The following ADGRE3 variants were observed in gnomAD, a reference collection of about 807,000 sequenced individuals.
The protein encoded by ADGRE3 is EGF-like module receptor 3.
A neutral mutation model predicts 80.1 loss-of-function variants in ADGRE3; 88 were observed. That is an observed-to-expected ratio of 1.10 (90% CI 0.93 to 1.31). The LOEUF (loss-of-function observed/expected upper bound fraction) is 1.31, where lower values mean the gene tolerates loss of function less well. ADGRE3 is among the 40% of genes most tolerant of loss of function. The pLI is 0.00. For missense variants in ADGRE3, 715 were observed against 776.5 expected (o/e 0.92, Z 0.94); for synonymous variants, 281 against 294.8 (o/e 0.95, Z 0.48).
In ADGRE3 at chr19:14,641,613, C is replaced by T. The variant is rs747402538; in HGVS notation, c.1054G>A (p.Glu352Lys). The T allele has an allele frequency of 1.2e-6, 2 of 1,614,030 alleles. No homozygotes were observed. Among genetic ancestry groups the T allele is most frequent in the Non-Finnish European group, 1.7e-6 (2 of 1,179,976 alleles). Residue 352 changes from glutamate (E) to lysine (K), a missense_variant, in exon 10 of 16, where the codon GAG becomes AAG. By Grantham distance (56) the Glu-to-Lys change is moderately conservative (BLOSUM62 1). Coordinates refer to ENST00000253673, the MANE Select transcript of ADGRE3 (RefSeq NM_032571.5). ...AVLMALTSQE[E>K]DPVLTVITYV... ...GTGATGACAGTCAGCACGGGATCCTCCTCCTGGGACCGAGAAAAAAAGTTC... is the reference window on the plus strand; with the variant it reads ...GTGATGACAGTCAGCACGGGATCCTTCTCCTGGGACCGAGAAAAAAAGTTC...
chr19:14,673,043 C>T (rs1218641585), intron 1 of ADGRE3, among the ~76,000 whole-genome samples: 1 of 152,074 alleles, frequency 6.6e-6, no homozygotes, highest in Non-Finnish European at 1.5e-5. Flanking sequence ...AGGACTCTGT[C>T]TCCAGTTGCA....
intron 11 of ADGRE3, among the ~76,000 whole-genome samples, chr19:14,634,068 C>T (rs1192467466): frequency 3.9e-5 from 6 of 152,108 alleles, no homozygotes; most frequent in Non-Finnish European, 8.8e-5. Context: ...TGAGCCACCA[C>T]GCCCGGCCAA....
intron 11 of ADGRE3, among the ~76,000 whole-genome samples, chr19:14,635,739 C>G (rs1255993834): frequency 6.6e-6 from 1 of 151,970 alleles, no homozygotes; most frequent in Non-Finnish European, 1.5e-5. Flanking sequence ...ATGCTAAAAT[C>G]CTGCCCCAAA....
Position 14,651,084 on chromosome 19 carries a change from C to T in ADGRE3, c.697+1G>A. The T allele has an allele frequency of 6.2e-7, 1 of 1,614,006 alleles. No homozygotes were observed. Among genetic ancestry groups the T allele is most frequent in the African/African-American group, 1.3e-5 (1 of 75,012 alleles). Reference sequence around the variant, plus strand: ...ATTCTGAATGCAGCCATCAGGCATACCTTGTGTGTCTCCCTGGATGATGTC... The same window carrying T: ...ATTCTGAATGCAGCCATCAGGCATATCTTGTGTGTCTCCCTGGATGATGTC... On this transcript the variant is annotated splice_donor_variant, in intron 7 of 15. Transcript: ENST00000253673. LOFTEE classifies it high-confidence loss of function.
chr19:14,632,445 C>G (rs1970912175), intron 13 of ADGRE3, among the ~76,000 whole-genome samples: 1 of 152,196 alleles, frequency 6.6e-6, no homozygotes, highest in Non-Finnish European at 1.5e-5. Context: ...GTAGAGACTA[C>G]ATTTCCCAGC....
chr19:14,610,161 A>G, the ADGRE3 span: 1 of 1,590,358 alleles, frequency 6.3e-7, no homozygotes, highest in African/African-American at 1.3e-5. Flanking sequence ...CTACAAAACT[A>G]CGTATTGGAT....
intron 4 of ADGRE3, among the ~76,000 whole-genome samples, chr19:14,661,741 T>C (rs1971948489): frequency 6.6e-6 from 1 of 152,048 alleles, no homozygotes; most frequent in Non-Finnish European, 1.5e-5. Context: ...GGAGCGTGGA[T>C]CAAGAAAAAT....
intron 6 of ADGRE3, 55 bp downstream of exon 6, chr19:14,654,927 A>T: frequency 1.1e-5 from 16 of 1,439,140 alleles, no homozygotes; most frequent in Non-Finnish European, 1.5e-5. Context: ...TGCCTAACCC[A>T]GATCCCAGCT....
rs66908687 is a variant in ADGRE3 at position 14,659,822 on chromosome 19, G to GAAAAAAAAAAAAAAAA, written c.356-1288_356-1273dup. Among the ~76,000 whole-genome samples the GAAAAAAAAAAAAAAAA allele has an allele frequency of 5.6e-4, 25 of 44,840 alleles. 5 individuals are homozygous for GAAAAAAAAAAAAAAAA. Among genetic ancestry groups the GAAAAAAAAAAAAAAAA allele is most frequent in the South Asian group, 1.0e-3 (1 of 994 alleles). The allele number at this position is 44,840 out of a possible 152,430, so 29.4% of individuals were successfully genotyped here. On this transcript the variant is annotated intron_variant, in intron 4 of 15. Coordinates refer to ENST00000253673, the MANE Select transcript of ADGRE3 (RefSeq NM_032571.5). Reference sequence around the variant, plus strand: ...GGAGACAGAGCGAGACTCTGCCTCTGAAAAAAAAAAAAAAAAAAAAAAAAA... The same window carrying GAAAAAAAAAAAAAAAA: ...GGAGACAGAGCGAGACTCTGCCTCTGAAAAAAAAAAAAAAAAAAAAAAAAAAAAAAAAAAAAAAAAA...
the ADGRE3 span, among the ~76,000 whole-genome samples, chr19:14,611,443 T>C: frequency 3.0e-5 from 4 of 134,246 alleles, no homozygotes; most frequent in Non-Finnish European, 6.2e-5. Context: ...AGTGGCACAA[T>C]CATAGCTTAC....
chr19:14,631,468 G>A (rs74976148), intron 13 of ADGRE3, among the ~76,000 whole-genome samples: 12,805 of 148,482 alleles, frequency 0.086, 596 homozygotes, highest in East Asian at 0.14. Context: ...GAGATATGAG[G>A]CCATCCTATT....
the ADGRE3 span, among the ~76,000 whole-genome samples, chr19:14,604,250 G>A: frequency 1.6e-3 from 246 of 152,080 alleles, 1 homozygote; most frequent in Non-Finnish European, 3.0e-3. Context: ...ACCCATCTGG[G>A]GTTTTTACCA....
At chr19:14,641,732 T>C in intron 9 of ADGRE3, 116 bp from the exon 10 acceptor site, 5 of 1,245,152 alleles carry the variant, frequency 4.0e-6, no homozygotes, top group Non-Finnish European at 1.1e-6. Flanking sequence ...TGTGGGACCG[T>C]TAGACTGCTA....
rs1555753132 is a variant in ADGRE3, at chr19:14,620,548, T to TTATATA, written c.1921-1083_1921-1078dup. ...TGAATATATATATTTTATATATATA[T>TTATATA]TATATATATATATATATATATTTTT... On this transcript the variant is annotated intron_variant, in intron 15 of 15. Transcript: ENST00000253673. Among the ~76,000 whole-genome samples the TTATATA allele has an allele frequency of 9.2e-4, 23 of 24,972 alleles. 1 individual carries two copies. Among genetic ancestry groups the TTATATA allele is most frequent in the South Asian group, 5.0e-3 (3 of 604 alleles). The allele number at this position is 24,972 out of a possible 152,430, so 16.4% of individuals were successfully genotyped here.
the ADGRE3 span, chr19:14,606,935 T>C: frequency 1.1e-6 from 1 of 887,284 alleles, no homozygotes; most frequent in Non-Finnish European, 1.5e-6. Flanking sequence ...ACAGGGCAGG[T>C]CCTCACCCTG....
chr19:14,633,082 A>C, intron 12 of ADGRE3, 70 bp from the exon 13 acceptor site: 1 of 1,368,764 alleles, frequency 7.3e-7, no homozygotes, highest in Non-Finnish European at 1.0e-6. Context: ...TAAATTGCAC[A>C]CAGGAGTCCT....
intron 9 of ADGRE3, among the ~76,000 whole-genome samples, chr19:14,642,647 C>T (rs1971285543): frequency 6.6e-6 from 1 of 152,100 alleles, no homozygotes; most frequent in South Asian, 2.1e-4. Context: ...CATGTAGCTC[C>T]CACTTATAAG....
chr19:14,617,370 CT>C (rs1295219237), downstream of ADGRE3, among the ~76,000 whole-genome samples: 6 of 93,730 alleles, frequency 6.4e-5, no homozygotes, highest in African/African-American at 2.1e-4. Flanking sequence ...TTCTTTCTTT[CT>C]TTCTTCCTTT....
intron 6 of ADGRE3, among the ~76,000 whole-genome samples, chr19:14,653,489 G>C (rs1193485747): frequency 6.6e-6 from 1 of 151,942 alleles, no homozygotes; most frequent in Non-Finnish European, 1.5e-5. Context: ...TACTACCGTA[G>C]TTTTTCTTCT....
Sources: allele counts gnomAD v4.1 joint callset (sites outside exome capture counted in the v4.1 genomes callset), GRCh38; gene constraint gnomAD v4.1.1; transcripts MANE v1.5; gene names NCBI Gene and HGNC (gene_info 2026-07-23, HGNC 2026-07-21).